The following SUSD5 variants were observed in gnomAD, a reference collection of about 807,000 sequenced individuals.
The protein encoded by SUSD5 is sushi domain-containing protein 5.
A neutral mutation model predicts 29.5 loss-of-function variants in SUSD5; 33 were observed. That is an observed-to-expected ratio of 1.12 (90% confidence interval 0.85 to 1.49). The LOEUF (loss-of-function observed/expected upper bound fraction) is 1.49, where lower values mean the gene tolerates loss of function less well. Ranked by LOEUF, SUSD5 falls within the 40% of genes most tolerant of loss-of-function variation. The pLI is 0.00. For synonymous variants in SUSD5, 308 were observed against 325.3 expected (o/e 0.95, Z 0.57); for missense variants, 776 against 800.6 (o/e 0.97, Z 0.37).
At chr3:33,215,469 A>G (rs972358691) in intron 1 of SUSD5, among the ~76,000 whole-genome samples, 1 of 152,236 alleles carries the variant, frequency 6.6e-6, no homozygotes, top group Non-Finnish European at 1.5e-5. Context: ...TATTTTATAT[A>G]TGAAACACTT....
intron 4 of SUSD5, among the ~76,000 whole-genome samples, chr3:33,169,635 T>A (rs1467355168): frequency 2.0e-5 from 3 of 152,146 alleles, no homozygotes; most frequent in East Asian, 1.9e-4. Flanking sequence ...GGAGTGAGTG[T>A]TTGGTTTATA....
intron 4 of SUSD5, 31 bp from the exon 5 acceptor site, chr3:33,154,064 G>A: frequency 6.6e-7 from 1 of 1,522,090 alleles, no homozygotes; most frequent in Non-Finnish European, 8.8e-7. Flanking sequence ...AACCTCATTA[G>A]CTCCAAAGGC....
rs2032173402 is a variant in SUSD5 at position 33,204,330 on chromosome 3, GTTTGT to G, written c.409+3473_409+3477del. On this transcript the variant is annotated intron_variant, in intron 3 of 4. Transcript: ENST00000309558. This position sits in a 1 kb window ranked among gnomAD's most constrained non-coding sequence, Gnocchi z 4.5. The stretch of plus-strand genomic sequence containing the variant: ...AGCTTTTTTGTTTGTTTGTTTGTTT[GTTTGT>G]TTTTTGAGACAGTCTTGTTCTGTCA... 6.6e-6 allele frequency among the ~76,000 whole-genome samples: 1 copy of G among 151,634 alleles called. No individual in the cohort carries two copies. Among genetic ancestry groups the G allele is most frequent in the South Asian group, 2.1e-4 (1 of 4,810 alleles).
At position 33,168,569 on chromosome 3, in the gene SUSD5, C is replaced by T. The variant is rs1198932271; in HGVS notation, c.598+6317G>A. On this transcript the variant is annotated intron_variant, in intron 4 of 4. Coordinates refer to ENST00000309558, the MANE Select transcript of SUSD5 (RefSeq NM_015551.2). The stretch of plus-strand genomic sequence containing the variant: ...GAGGAGGTGTGCTGCCCCGAGGCCT[C>T]GTTCTCCTCCCCATCTCAGGGCCCT... 6 of 985,344 alleles carry T rather than the reference C, an allele frequency of 6.1e-6. No individual in the cohort carries two copies. The African/African-American group carries it at 7.0e-5, about 11-fold the overall frequency. The allele number at this position is 985,344 out of a possible 1,614,324, so 61.0% of individuals were successfully genotyped here. A position where few individuals can be genotyped will look rare whatever the true frequency, so the allele number is the denominator to read the frequency against.
At chr3:33,193,343 T>C (rs920391646) in intron 3 of SUSD5, among the ~76,000 whole-genome samples, 2 of 152,154 alleles carry the variant, frequency 1.3e-5, no homozygotes, top group Non-Finnish European at 2.9e-5. Context: ...CTGTCCAGGA[T>C]AGCAGCACAG....
intron 4 of SUSD5, among the ~76,000 whole-genome samples, chr3:33,156,490 G>T (rs1220980495): frequency 6.6e-6 from 1 of 152,164 alleles, no homozygotes; most frequent in Non-Finnish European, 1.5e-5. Flanking sequence ...GATGAGAGGG[G>T]AATCAACTGG....
At chr3:33,206,910 C>T (rs1012126250) in intron 3 of SUSD5, among the ~76,000 whole-genome samples, 5 of 152,028 alleles carry the variant, frequency 3.3e-5, no homozygotes, top group Non-Finnish European at 7.4e-5. Flanking sequence ...TTTAATTACT[C>T]CCCCCACCCC....
chr3:33,193,993 A>G lies in SUSD5; in HGVS notation c.409+13815T>C, dbSNP rs60670011. Reference sequence around the variant, plus strand: ...TGCGGCCAGAGGCCTCAAGGTTCCTATCCTCCCCAGTCGCTCCTATGAATA... The same window carrying G: ...TGCGGCCAGAGGCCTCAAGGTTCCTGTCCTCCCCAGTCGCTCCTATGAATA... On this transcript the variant is annotated intron_variant, in intron 3 of 4. Transcript: ENST00000309558. 4.1e-3 allele frequency among the ~76,000 whole-genome samples: 628 copies of G among 152,304 alleles called. 2 individuals carry two copies. Among genetic ancestry groups the G allele is most frequent in the African/African-American group, 0.014 (576 of 41,568 alleles).
chr3:33,172,282 G>C (rs2031444167), intron 4 of SUSD5, among the ~76,000 whole-genome samples: 1 of 151,908 alleles, frequency 6.6e-6, no homozygotes, highest in South Asian at 2.1e-4. Context: ...TTAACAATCT[G>C]TATATCCAGC....
chr3:33,181,558 A>G (rs1325162329), intron 3 of SUSD5, among the ~76,000 whole-genome samples: 1 of 151,868 alleles, frequency 6.6e-6, no homozygotes, highest in African/African-American at 2.4e-5. Context: ...CCCTTTGGAG[A>G]GACAGGGTTT....
intron 4 of SUSD5, among the ~76,000 whole-genome samples, chr3:33,172,965 TGTGA>T (rs1014475399): frequency 4.6e-5 from 7 of 152,312 alleles, no homozygotes; most frequent in Non-Finnish European, 1.0e-4. Context: ...TAAAAGACAC[TGTGA>T]GTTTGAAAAG....
intron 4 of SUSD5, among the ~76,000 whole-genome samples, chr3:33,168,092 G>A (rs1229933227): frequency 6.6e-6 from 1 of 152,204 alleles, no homozygotes; most frequent in Non-Finnish European, 1.5e-5. Context: ...GTGCAGGCTG[G>A]CTTGTGCACT....
chr3:33,168,250 T>C (rs140215274), intron 4 of SUSD5, among the ~76,000 whole-genome samples: 13 of 152,310 alleles, frequency 8.5e-5, no homozygotes, highest in African/African-American at 3.1e-4. Context: ...CCTCTTTTTT[T>C]TTCCCTCTGT....
chr3:33,186,125 A>G (rs1371691459), intron 3 of SUSD5, among the ~76,000 whole-genome samples: 2 of 152,062 alleles, frequency 1.3e-5, no homozygotes, highest in African/African-American at 4.8e-5. Context: ...AACACGGTGA[A>G]ACCCTGTCTC....
chr3:33,201,849 T>C (rs1289601623), intron 3 of SUSD5, among the ~76,000 whole-genome samples: 1 of 152,180 alleles, frequency 6.6e-6, no homozygotes, highest in Non-Finnish European at 1.5e-5. Context: ...ACCCCTGTTC[T>C]TCCTGTCCGC....
At chr3:33,156,866 G>A (rs1165146716) in intron 4 of SUSD5, among the ~76,000 whole-genome samples, 2 of 152,200 alleles carry the variant, frequency 1.3e-5, no homozygotes, top group Non-Finnish European at 2.9e-5. Context: ...TGACATGTAA[G>A]CCCATTCACT....
In SUSD5 at chr3:33,186,520, C is replaced by T. The variant is rs1362112985; in HGVS notation, c.410-11446G>A. On this transcript the variant is annotated intron_variant, in intron 3 of 4. Transcript: ENST00000309558. Reference sequence around the variant, plus strand: ...TGGCTCACTGCAACCTCCGCCTCCCCGGTTCAAGCGATTCTCCTGCCTCAG... The same window carrying T: ...TGGCTCACTGCAACCTCCGCCTCCCTGGTTCAAGCGATTCTCCTGCCTCAG... 1.9e-4 allele frequency among the ~76,000 whole-genome samples: 29 copies of T among 151,076 alleles called. No homozygotes were observed. In the East Asian group the frequency reaches 3.2e-3, roughly 17 times the overall value.
intron 3 of SUSD5, among the ~76,000 whole-genome samples, chr3:33,176,023 AG>A (rs2125621198): frequency 6.6e-6 from 1 of 152,312 alleles, no homozygotes; most frequent in East Asian, 1.9e-4. Context: ...TTCTCCCTAA[AG>A]ATTGCAACAG....
chr3:33,186,219 G>A (rs1408784602), intron 3 of SUSD5, among the ~76,000 whole-genome samples: 3 of 151,464 alleles, frequency 2.0e-5, no homozygotes, highest in Non-Finnish European at 2.9e-5. Flanking sequence ...GGAGAATGGC[G>A]TGAACCCGGG....
Sources: allele counts gnomAD v4.1 joint callset (sites outside exome capture counted in the v4.1 genomes callset), GRCh38; gene constraint gnomAD v4.1.1; non-coding constraint Gnocchi (gnomAD v3.1); transcripts MANE v1.5; gene names NCBI Gene and HGNC (gene_info 2026-07-23, HGNC 2026-07-21).